INPP4B: variants seen among roughly 807,000 people sequenced by gnomAD.
INPP4B encodes the protein inositol polyphosphate-4-phosphatase type II B.
INPP4B carries 55 observed loss-of-function variants against 122.5 expected under a neutral mutation model. That is an observed-to-expected ratio of 0.45 (90% CI 0.36 to 0.56). INPP4B has a LOEUF of 0.56. Ranked by LOEUF, INPP4B falls within the 20% of genes least tolerant of loss-of-function variation. INPP4B has a pLI of 0.00. For missense variants in INPP4B, 1,000 were observed against 1,097.7 expected (o/e 0.91, Z 1.26); for synonymous variants, 403 against 388.7 (o/e 1.04, Z -0.43).
rs114093544 is a variant in INPP4B at position 142,610,783 on chromosome 4, T to C, written c.-191+115056A>G. On this transcript the variant is annotated intron_variant, in intron 2 of 25. Coordinates refer to ENST00000262992, the MANE Select transcript of INPP4B (RefSeq NM_001101669.3). ...AAATTAACTGAGAAATATATATATGTATGTGTACACACACACCCACACATT... is the reference window on the plus strand; with the variant it reads ...AAATTAACTGAGAAATATATATATGCATGTGTACACACACACCCACACATT... 1.5e-3 allele frequency among the ~76,000 whole-genome samples: 231 copies of C among 152,286 alleles called. 1 individual carries two copies. The highest frequency in any genetic ancestry group is 8.9e-3 in the South Asian group (43 of 4,828).
chr4:142,640,597 C>T (rs1750171894), intron 2 of INPP4B, among the ~76,000 whole-genome samples: 1 of 151,462 alleles, frequency 6.6e-6, no homozygotes, highest in South Asian at 2.1e-4. Context: ...TAAAAAGCAC[C>T]AAACATAAAG....
intron 1 of INPP4B, among the ~76,000 whole-genome samples, chr4:142,754,370 C>A (rs1770184969): frequency 6.6e-6 from 1 of 151,948 alleles, no homozygotes; most frequent in Non-Finnish European, 1.5e-5. Context: ...TTGCTTGGAA[C>A]CCAAATCATG....
At chr4:142,269,241 T>C (rs926777179) in intron 10 of INPP4B, among the ~76,000 whole-genome samples, 1 of 152,226 alleles carries the variant, frequency 6.6e-6, no homozygotes, top group African/African-American at 2.4e-5. Context: ...GTAGATTCAC[T>C]GAGCACTAAT....
rs1734331849 is a variant in INPP4B, at chr4:142,578,556, G to A, written c.-190-115830C>T. Among the ~76,000 whole-genome samples, 4 of 151,946 alleles carry A rather than the reference G, an allele frequency of 2.6e-5. No homozygotes were observed. In the South Asian group the frequency reaches 8.3e-4, roughly 32 times the overall value. On this transcript the variant is annotated intron_variant, in intron 2 of 25. Coordinates refer to ENST00000262992, the MANE Select transcript of INPP4B (RefSeq NM_001101669.3). ...TATCTTCACATGGTATTTCCTCTGT[G>A]AGCACAGACATCCCTGGTCTCTCTT... is the stretch of plus-strand genomic sequence containing the variant.
rs1038660382 is a variant in INPP4B at position 142,206,621 on chromosome 4, C to T, written c.1072+1804G>A. Among the ~76,000 whole-genome samples the T allele has an allele frequency of 3.9e-5, 6 of 152,072 alleles. No individual in the cohort carries two copies. The East Asian group carries it at 1.2e-3, about 29-fold the overall frequency. On this transcript the variant is annotated intron_variant, in intron 14 of 25. Coordinates refer to ENST00000262992, the MANE Select transcript of INPP4B (RefSeq NM_001101669.3). ...AGATCTCACTTTCACATTTTAACCA[C>T]ATTATTGAGGTATGATTGACATATA...
intron 23 of INPP4B, among the ~76,000 whole-genome samples, chr4:142,093,544 G>A (rs336295): frequency 0.55 from 82,952 of 151,972 alleles, 25,578 homozygotes; most frequent in Non-Finnish European, 0.68. Context: ...ACTCTGGTGA[G>A]TACTATAGTC....
rs1560996198 is a variant in INPP4B, at chr4:142,720,747, T to TACATATATATATGAATATATATATATAC, written c.-191+5091_-191+5092insGTATATATATATATTCATATATATATGT. 3.0e-4 allele frequency among the ~76,000 whole-genome samples: 29 copies of TACATATATATATGAATATATATATATAC among 97,780 alleles called. 2 individuals carry two copies. The highest frequency in any genetic ancestry group is 5.6e-3 in the Middle Eastern group (1 of 180). 64.1% of individuals were successfully genotyped at this position (97,780 alleles called of 152,430 possible). ...ATATATATACATATATATATATATA[T>TACATATATATATGAATATATATATATAC]ACATATATATATAATCTCTCTCTCT... On this transcript the variant is annotated intron_variant, in intron 2 of 25. Transcript: ENST00000262992.
chr4:142,206,301 A>G (rs1370774918), intron 14 of INPP4B, among the ~76,000 whole-genome samples: 1 of 150,688 alleles, frequency 6.6e-6, no homozygotes, highest in Non-Finnish European at 1.5e-5. Context: ...TGGGAGACAC[A>G]TTCAGGCCAC....
chr4:142,213,643 C>T (rs1014650305), intron 12 of INPP4B, among the ~76,000 whole-genome samples: 8 of 152,134 alleles, frequency 5.3e-5, no homozygotes, highest in African/African-American at 1.7e-4. Flanking sequence ...GTCTCTTGCT[C>T]GTATTCCTTG....
chr4:142,166,704 A>G (rs72491768), intron 16 of INPP4B, among the ~76,000 whole-genome samples: 6,276 of 151,912 alleles, frequency 0.041, 208 homozygotes, highest in Middle Eastern at 0.15. Flanking sequence ...GAAAAAAAAA[A>G]CAACCACATT....
intron 7 of INPP4B, chr4:142,384,143 G>A (rs949275330): frequency 4.3e-6 from 3 of 701,834 alleles, no homozygotes; most frequent in Non-Finnish European, 7.8e-6. Flanking sequence ...TGATCAGTAA[G>A]TTTCCAATCT....
intron 14 of INPP4B, among the ~76,000 whole-genome samples, chr4:142,196,935 G>T (rs1233037993): frequency 6.6e-6 from 1 of 151,640 alleles, no homozygotes; most frequent in African/African-American, 2.4e-5. Context: ...GACCAGGCTG[G>T]TCAACATGAT....
chr4:142,167,517 C>T (rs1313283755), intron 16 of INPP4B, among the ~76,000 whole-genome samples: 9 of 151,720 alleles, frequency 5.9e-5, no homozygotes, highest in Non-Finnish European at 1.3e-4. Flanking sequence ...ATGTAACAAA[C>T]CTGCACGTAC....
intron 2 of INPP4B, among the ~76,000 whole-genome samples, chr4:142,610,651 CT>C (rs1273730253): frequency 6.6e-6 from 1 of 152,062 alleles, no homozygotes; most frequent in Non-Finnish European, 1.5e-5. Context: ...ATTAGAAAAA[CT>C]GCATTATTTT....
At chr4:142,651,585 G>C (rs905252147) in intron 2 of INPP4B, among the ~76,000 whole-genome samples, 1 of 152,040 alleles carries the variant, frequency 6.6e-6, no homozygotes, top group Non-Finnish European at 1.5e-5. Context: ...AGAGAATACT[G>C]TAAACATTTC....
intron 7 of INPP4B, among the ~76,000 whole-genome samples, chr4:142,365,422 A>C (rs1005489832): frequency 1.3e-5 from 2 of 152,176 alleles, no homozygotes; most frequent in African/African-American, 4.8e-5. Context: ...TGATTTACTG[A>C]AATAAAAACA....
At chr4:142,750,046 A>G (rs1242354098) in intron 1 of INPP4B, among the ~76,000 whole-genome samples, 5 of 151,994 alleles carry the variant, frequency 3.3e-5, no homozygotes, top group African/African-American at 1.2e-4. Context: ...ATATAAAAAA[A>G]GTATTTTTCA....
chr4:142,098,409 G>A (rs1160069210), intron 23 of INPP4B, among the ~76,000 whole-genome samples: 5 of 152,216 alleles, frequency 3.3e-5, no homozygotes, highest in Admixed American at 2.6e-4. Flanking sequence ...AGTTTTAGGA[G>A]ACACATAATG....
chr4:142,675,656 A>C (rs1351933729), intron 2 of INPP4B, among the ~76,000 whole-genome samples: 3 of 152,210 alleles, frequency 2.0e-5, no homozygotes, highest in Admixed American at 2.0e-4. Flanking sequence ...ACCACAATCA[A>C]GTCAGCTTCA....
Sources: allele counts gnomAD v4.1 joint callset (sites outside exome capture counted in the v4.1 genomes callset), GRCh38; gene constraint gnomAD v4.1.1; transcripts MANE v1.5; gene names NCBI Gene and HGNC (gene_info 2026-07-23, HGNC 2026-07-21).